Variants in FAM91A1 observed in about 807,000 individuals in gnomAD.
The protein encoded by FAM91A1 is family with sequence similarity 91 member A1.
In FAM91A1, 41 loss-of-function variants were observed where a neutral mutation model predicts 113.5. That is an observed-to-expected ratio of 0.36 (90% CI 0.28 to 0.47). The LOEUF (loss-of-function observed/expected upper bound fraction) is 0.47, where lower values mean the gene tolerates loss of function less well. FAM91A1 is among the 20% of genes least tolerant of loss of function. The pLI, the probability that FAM91A1 is intolerant of heterozygous loss-of-function variation, is 1.00. For missense variants in FAM91A1, 696 were observed against 1,001.2 expected, an observed-to-expected ratio of 0.70 and a Z score of 4.11; for synonymous variants, 307 against 347.9, an observed-to-expected ratio of 0.88 and a Z score of 1.31.
chr8:123,788,752 T>C (rs1237722338), intron 14 of FAM91A1, among the ~76,000 whole-genome samples: 1 of 152,172 alleles, frequency 6.6e-6, no homozygotes, highest in African/African-American at 2.4e-5. Flanking sequence ...TAGTCTTTTA[T>C]CAAATGTAGC....
At position 123,784,565 on chromosome 8, in the gene FAM91A1, A is replaced by C. The variant is rs201367949; in HGVS notation, c.799A>C (p.Asn267His). Residue 267 changes from asparagine to histidine, a missense_variant, in exon 9 of 24, where the codon AAT becomes CAT. By Grantham distance (68) the Asn-to-His change is moderately conservative (BLOSUM62 1). Transcript: ENST00000334705. ...ATTTGTTTCAATAGATGAGCACACA[A>C]ATGTTGCAGAGGTAAGTTTGACAAC... ...KIFVSIDEHTNVAELANVLEI... is the reference protein window; with the variant it reads ...KIFVSIDEHTHVAELANVLEI... The C allele has an allele frequency of 8.1e-5, 130 of 1,600,594 alleles. No individual in the cohort carries two copies. The highest frequency in any genetic ancestry group is 1.1e-4 in the Non-Finnish European group (126 of 1,175,008).
Position 123,812,717 on chromosome 8 carries a change from A to G in FAM91A1, c.*13A>G. 1.3e-6 allele frequency: 2 copies of G among 1,541,678 alleles called. No homozygotes were observed. The highest frequency in any genetic ancestry group is 8.7e-7 in the Non-Finnish European group (1 of 1,148,306). The stretch of plus-strand genomic sequence containing the variant: ...CCATTTGCAATAATTTGGTTACACC[A>G]TTTGTTGCTCACACTTTCTGCCTTT... On this transcript the variant is annotated 3_prime_UTR_variant, in exon 24 of 24. Transcript: ENST00000334705.
At chr8:123,786,413 T>G in intron 11 of FAM91A1, 82 bp from the exon 12 acceptor site, 2 of 1,033,460 alleles carry the variant, frequency 1.9e-6, no homozygotes, top group Non-Finnish European at 3.0e-6. Context: ...TTGTTCATAA[T>G]TTAAGTCTTA....
At chr8:123,801,980 G>T (rs1332699932) in intron 18 of FAM91A1, among the ~76,000 whole-genome samples, 1 of 152,140 alleles carries the variant, frequency 6.6e-6, no homozygotes, top group Non-Finnish European at 1.5e-5. Context: ...GTGTGAGGGG[G>T]TTGTGGTCAG....
At chr8:123,794,471 T>C (rs1437447215) in intron 15 of FAM91A1, among the ~76,000 whole-genome samples, 1 of 152,206 alleles carries the variant, frequency 6.6e-6, no homozygotes, top group Non-Finnish European at 1.5e-5. Context: ...TGGAAAGATA[T>C]AGTATTAAGC....
intron 18 of FAM91A1, among the ~76,000 whole-genome samples, chr8:123,801,206 A>G (rs1815670711): frequency 6.6e-6 from 1 of 152,182 alleles, no homozygotes; most frequent in Non-Finnish European, 1.5e-5. Context: ...ATGGTATCTC[A>G]TTATAGTTTT....
In FAM91A1 at chr8:123,775,157, C is replaced by T. The variant is rs766697822; in HGVS notation, c.168C>T (p.Val56=). ...CCCTCTTTTGTGCAGTTAAACATGT[C>T]AAGAAAGATGAACGCAGATACTATG... ...LRYRNNLVKH[V]KKDERRYYEE... Residue 56 remains valine, a synonymous_variant, in exon 3 of 24, where the codon GTC becomes GTT. Coordinates refer to ENST00000334705, the MANE Select transcript of FAM91A1 (RefSeq NM_144963.4). 3.1e-6 allele frequency: 5 copies of T among 1,604,238 alleles called. No individual in the cohort carries two copies. The highest frequency in any genetic ancestry group is 1.1e-5 in the South Asian group (1 of 89,676).
chr8:123,784,663 T>G, intron 9 of FAM91A1, 87 bp downstream of exon 9: 1 of 899,320 alleles, frequency 1.1e-6, no homozygotes, highest in Admixed American at 3.1e-5. Flanking sequence ...TGGTAGTATC[T>G]TTTTAAAATC....
intron 8 of FAM91A1, among the ~76,000 whole-genome samples, chr8:123,783,174 T>C (rs1450990588): frequency 1.3e-5 from 2 of 152,028 alleles, no homozygotes; most frequent in Non-Finnish European, 2.9e-5. Flanking sequence ...AGACCCTGTC[T>C]CAATAAATAA....
At chr8:123,807,610 C>T (rs1423984057) in intron 20 of FAM91A1, among the ~76,000 whole-genome samples, 1 of 151,990 alleles carries the variant, frequency 6.6e-6, no homozygotes, top group East Asian at 1.9e-4. Context: ...GCATAAAGCG[C>T]TAACACAGCA....
chr8:123,805,375 T>A, intron 19 of FAM91A1, 36 bp downstream of exon 19: 1 of 1,499,356 alleles, frequency 6.7e-7, no homozygotes, highest in East Asian at 2.3e-5. Flanking sequence ...CTTTTTTTTT[T>A]TTTTAATTAT....
At chr8:123,774,957 A>G (rs1227460830) in intron 2 of FAM91A1, among the ~76,000 whole-genome samples, 190 bp from the exon 3 acceptor site, 1 of 151,958 alleles carries the variant, frequency 6.6e-6, no homozygotes, top group Non-Finnish European at 1.5e-5. Flanking sequence ...CCTATTATTC[A>G]TTTTACTTCT....
chr8:123,801,431 G>A (rs987801308), intron 18 of FAM91A1, among the ~76,000 whole-genome samples: 1 of 152,224 alleles, frequency 6.6e-6, no homozygotes, highest in Non-Finnish European at 1.5e-5. Flanking sequence ...AAATGAAAAT[G>A]TACGTGTCAA....
intron 15 of FAM91A1, 22 bp from the exon 16 acceptor site, chr8:123,798,068 T>G: frequency 6.2e-7 from 1 of 1,604,242 alleles, no homozygotes; most frequent in South Asian, 1.1e-5. Flanking sequence ...TTATTCTGTG[T>G]GTGTGCTTGA....
intron 1 of FAM91A1, among the ~76,000 whole-genome samples, chr8:123,773,080 G>A (rs749580946): frequency 6.6e-6 from 1 of 152,106 alleles, no homozygotes; most frequent in Non-Finnish European, 1.5e-5. Flanking sequence ...AGGGCCAACC[G>A]CACATAATTG....
Position 123,786,489 on chromosome 8 carries a change from TA to T in FAM91A1, c.963-4del. ...TTTAAAAAGCAAATGCATTCTTCAT[TA>T]ATAGGAGTACCTTAGATCCACAGAA... On this transcript the variant is annotated splice_polypyrimidine_tract_variant and splice_region_variant and intron_variant, in intron 11 of 23. Coordinates refer to ENST00000334705, the MANE Select transcript of FAM91A1 (RefSeq NM_144963.4). 1 of 1,594,938 alleles carries T rather than the reference TA, an allele frequency of 6.3e-7. No homozygotes were observed. The highest frequency in any genetic ancestry group is 8.6e-7 in the Non-Finnish European group (1 of 1,163,638).
At chr8:123,802,590 T>C (rs1194965952) in intron 18 of FAM91A1, among the ~76,000 whole-genome samples, 2 of 152,160 alleles carry the variant, frequency 1.3e-5, no homozygotes, top group Non-Finnish European at 2.9e-5. Context: ...ATTGGAAATA[T>C]TCTGAAATTC....
At chr8:123,794,000 T>C (rs1379136897) in intron 15 of FAM91A1, among the ~76,000 whole-genome samples, 1 of 152,192 alleles carries the variant, frequency 6.6e-6, no homozygotes, top group Non-Finnish European at 1.5e-5. Context: ...AAATCTAGGG[T>C]ACACATTTCC....
intron 2 of FAM91A1, among the ~76,000 whole-genome samples, 193 bp from the exon 3 acceptor site, chr8:123,774,954 T>C (rs991716432): frequency 1.2e-4 from 18 of 152,236 alleles, no homozygotes; most frequent in Admixed American, 7.9e-4. Context: ...TGTCCTATTA[T>C]TCATTTTACT....
Sources: allele counts gnomAD v4.1 joint callset (sites outside exome capture counted in the v4.1 genomes callset), GRCh38; gene constraint gnomAD v4.1.1; transcripts MANE v1.5; gene names NCBI Gene and HGNC (gene_info 2026-07-23, HGNC 2026-07-21).